DHCR24: variants seen among roughly 807,000 people sequenced by gnomAD.
DHCR24 encodes the protein 24-dehydrocholesterol reductase, also known as delta(24)-sterol reductase.
In DHCR24, 28 loss-of-function variants were observed where a neutral mutation model predicts 61.2. That is an observed-to-expected ratio of 0.46 (90% CI 0.34 to 0.63). The LOEUF is 0.63. Ranked by LOEUF, DHCR24 falls within the 20% of genes least tolerant of loss-of-function variation. The pLI is 0.01. For synonymous variants in DHCR24, 261 were observed against 275.9 expected (o/e 0.95, Z 0.54); for missense variants, 538 against 679.1 (o/e 0.79, Z 2.31).
chr1:54,877,662 G>A (rs1351850783), intron 2 of DHCR24, among the ~76,000 whole-genome samples: 4 of 151,290 alleles, frequency 2.6e-5, no homozygotes, highest in Admixed American at 1.3e-4. Context: ...GAGTTAGGCA[G>A]TGCAGGGAGG....
intron 1 of DHCR24, among the ~76,000 whole-genome samples, chr1:54,884,068 T>C (rs906384275): frequency 5.3e-5 from 8 of 152,238 alleles, no homozygotes; most frequent in African/African-American, 1.9e-4. Context: ...GGTTTTGTAA[T>C]GGTGATAATA....
intron 1 of DHCR24, 61 bp downstream of exon 1, chr1:54,886,828 C>G: frequency 6.3e-7 from 1 of 1,584,376 alleles, no homozygotes; most frequent in Non-Finnish European, 8.6e-7. Flanking sequence ...ACCTCGCGTC[C>G]CGCTATCCCC....
rs114416467 is a variant in DHCR24 at position 54,886,852 on chromosome 1, C to T, written c.231+37G>A. The T allele has an allele frequency of 1.7e-3, 2,737 of 1,604,746 alleles. 44 individuals carry two copies. In the African/African-American group the frequency reaches 0.031, roughly 18 times the overall value. On this transcript the variant is annotated intron_variant, in intron 1 of 8. Transcript: ENST00000371269. ...CCCGCTATCCCCGCGCACGCCGCCT[C>T]CGGCCCTGAGTCCCGGCCGCACCCG...
chr1:54,862,100 A>G (rs947713636), intron 6 of DHCR24, among the ~76,000 whole-genome samples: 2 of 152,042 alleles, frequency 1.3e-5, no homozygotes, highest in African/African-American at 4.8e-5. Flanking sequence ...CCCCTACTCA[A>G]GACTTCACCC....
At chr1:54,871,226 T>G (rs1646996746) in intron 5 of DHCR24, 124 bp downstream of exon 5, 6 of 1,101,244 alleles carry the variant, frequency 5.4e-6, no homozygotes, top group South Asian at 1.3e-5. Context: ...GTACCCCAGG[T>G]GGGTTGACCC....
At chr1:54,858,446 C>A (rs1646919213) in intron 6 of DHCR24, among the ~76,000 whole-genome samples, 1 of 152,210 alleles carries the variant, frequency 6.6e-6, no homozygotes, top group Non-Finnish European at 1.5e-5. Context: ...AATGACAGAT[C>A]AGCACAATGA....
chr1:54,851,806 CCTTTTCAGGCTCCA>C lies in DHCR24; in HGVS notation c.*413_*426del, dbSNP rs1273443943. 3 of 211,926 alleles carry C rather than the reference CCTTTTCAGGCTCCA, an allele frequency of 1.4e-5. No individual in the cohort carries two copies. Among genetic ancestry groups the C allele is most frequent in the African/African-American group, 6.9e-5 (3 of 43,184 alleles). The allele number at this position is 211,926 out of a possible 1,614,324, so 13.1% of individuals were successfully genotyped here. On this transcript the variant is annotated 3_prime_UTR_variant, in exon 9 of 9. Coordinates refer to ENST00000371269, the MANE Select transcript of DHCR24 (RefSeq NM_014762.4). ...TGTGCACAGGTGACCTAATGTGGAGCCTTTTCAGGCTCCACTGCAGATGTGACGCTGAACGGGAA... is the reference window on the plus strand; with the variant it reads ...TGTGCACAGGTGACCTAATGTGGAGCCTGCAGATGTGACGCTGAACGGGAA...
chr1:54,871,300 C>A, intron 5 of DHCR24, 50 bp downstream of exon 5: 1 of 1,610,116 alleles, frequency 6.2e-7, no homozygotes, highest in Non-Finnish European at 8.5e-7. Context: ...AGTCCTAGCA[C>A]ACTCATGCCT....
At chr1:54,876,608 C>T (rs1410955633) in intron 2 of DHCR24, among the ~76,000 whole-genome samples, 1 of 151,702 alleles carries the variant, frequency 6.6e-6, no homozygotes, top group Non-Finnish European at 1.5e-5. Context: ...GAGCCGAGAT[C>T]GTGCCACTGC....
At chr1:54,866,171 C>G (rs992808384) in intron 5 of DHCR24, among the ~76,000 whole-genome samples, 4 of 151,998 alleles carry the variant, frequency 2.6e-5, no homozygotes, top group Non-Finnish European at 5.9e-5. Flanking sequence ...CGGGGAGAGG[C>G]AGGGGGGATC....
intron 6 of DHCR24, among the ~76,000 whole-genome samples, chr1:54,856,780 T>C (rs928816386): frequency 6.6e-6 from 1 of 152,238 alleles, no homozygotes; most frequent in Non-Finnish European, 1.5e-5. Context: ...TTCCTAGAAG[T>C]GGAAGATTTT....
intron 8 of DHCR24, 142 bp downstream of exon 8, chr1:54,853,292 G>C: frequency 9.3e-7 from 1 of 1,078,674 alleles, no homozygotes; most frequent in Non-Finnish European, 1.4e-6. Context: ...CTGACCCAGA[G>C]GCTGCCACAG....
chr1:54,849,632 C>G lies in DHCR24; in HGVS notation c.*2601G>C, dbSNP rs1489184092. The G allele has an allele frequency of 6.6e-6, 1 of 152,568 alleles. No individual in the cohort carries two copies. The highest frequency in any genetic ancestry group is 2.4e-5 in the African/African-American group (1 of 41,440). 9.5% of individuals were successfully genotyped at this position (152,568 alleles called of 1,614,324 possible). On this transcript the variant is annotated 3_prime_UTR_variant, in exon 9 of 9. Transcript: ENST00000371269. ...CCAAGCAAGAAACGACAAACGCCAG[C>G]TTCCAGGCCACTTTTATTTAAACAG...
chr1:54,875,309 G>A (rs908521066), intron 3 of DHCR24, 98 bp from the exon 4 acceptor site: 1 of 1,022,742 alleles, frequency 9.8e-7, no homozygotes, highest in African/African-American at 1.6e-5. Flanking sequence ...AGGGAGGTTT[G>A]GCAGGCTAGC....
Position 54,865,221 on chromosome 1 carries a change from G to A in DHCR24, c.1020+82C>T, listed in dbSNP as rs1354167513. 4 of 1,513,816 alleles carry A rather than the reference G, an allele frequency of 2.6e-6. No homozygotes were observed. The East Asian group carries it at 9.6e-5, about 36-fold the overall frequency. The allele number at this position is 1,513,816 out of a possible 1,614,324, so 93.8% of individuals were successfully genotyped here. On this transcript the variant is annotated intron_variant, in intron 6 of 8. Transcript: ENST00000371269. ...AGCCACTCTTTACCCTGAAGGGAGAGAGTATGGCTACAGTGTTAACTGTCC... is the reference window on the plus strand; with the variant it reads ...AGCCACTCTTTACCCTGAAGGGAGAAAGTATGGCTACAGTGTTAACTGTCC...
chr1:54,874,878 T>A (rs1397136576), intron 4 of DHCR24, among the ~76,000 whole-genome samples: 1 of 152,132 alleles, frequency 6.6e-6, no homozygotes, highest in Non-Finnish European at 1.5e-5. Context: ...CTCATTAGGT[T>A]GTTGAAGGAT....
At chr1:54,861,053 C>T (rs1646935210) in intron 6 of DHCR24, among the ~76,000 whole-genome samples, 1 of 152,080 alleles carries the variant, frequency 6.6e-6, no homozygotes, top group Admixed American at 6.5e-5. Flanking sequence ...CCTGACCACG[C>T]CTGGCCTCTC....
chr1:54,850,467 G>A lies in DHCR24; in HGVS notation c.*1766C>T, dbSNP rs1291404562. 1 of 152,192 alleles carries A rather than the reference G, an allele frequency of 6.6e-6. No individual in the cohort carries two copies. Among genetic ancestry groups the A allele is most frequent in the African/African-American group, 2.4e-5 (1 of 41,434 alleles). 9.4% of individuals were successfully genotyped at this position (152,192 alleles called of 1,614,324 possible). On this transcript the variant is annotated 3_prime_UTR_variant, in exon 9 of 9. Transcript: ENST00000371269. ...GGGTAGGGTGGTTCCTTTGCCTTCTGAGTGCCTGGATGCCCCCAGCCCTCA... is the reference window on the plus strand; with the variant it reads ...GGGTAGGGTGGTTCCTTTGCCTTCTAAGTGCCTGGATGCCCCCAGCCCTCA...
chr1:54,875,029 C>T (rs1423290324), intron 4 of DHCR24, 64 bp downstream of exon 4: 1 of 1,435,750 alleles, frequency 7.0e-7, no homozygotes, highest in Non-Finnish European at 9.8e-7. Flanking sequence ...AGCCACCTCC[C>T]TGACCTCAGG....
Sources: allele counts gnomAD v4.1 joint callset (sites outside exome capture counted in the v4.1 genomes callset), GRCh38; gene constraint gnomAD v4.1.1; transcripts MANE v1.5; gene names NCBI Gene and HGNC (gene_info 2026-07-23, HGNC 2026-07-21).